BBS9: variants seen among roughly 807,000 people sequenced by gnomAD.
The protein encoded by BBS9 is Bardet-Biedl syndrome 9.
In BBS9, 89 loss-of-function variants were observed where a neutral mutation model predicts 117.7. The observed-to-expected ratio is 0.76, with a 90% CI of 0.64 to 0.90. The LOEUF (loss-of-function observed/expected upper bound fraction) is 0.90, where lower values mean the gene tolerates loss of function less well. BBS9 is among the 40% of genes least tolerant of loss of function. BBS9 has a pLI of 0.00. For synonymous variants in BBS9, 379 were observed against 370.9 expected, an observed-to-expected ratio of 1.02 and a Z score of -0.25; for missense variants, 982 against 1,042.2, an observed-to-expected ratio of 0.94 and a Z score of 0.80.
At chr7:33,597,595 G>A (rs1863062314) in intron 21 of BBS9, among the ~76,000 whole-genome samples, 1 of 152,094 alleles carries the variant, frequency 6.6e-6, no homozygotes, top group East Asian at 1.9e-4. Context: ...CAGCTTGCCA[G>A]CCCTCTGGAT....
At chr7:33,587,389 T>C (rs1985079) in intron 21 of BBS9, among the ~76,000 whole-genome samples, 61,268 of 152,008 alleles carry the variant, frequency 0.4, 17,025 homozygotes, top group African/African-American at 0.79. Context: ...GAGCTCTCTC[T>C]TCTGCCTGAT....
chr7:33,380,277 C>A, intron 17 of BBS9: 1 of 171,506 alleles, frequency 5.8e-6, no homozygotes. Context: ...CCACCTGCAC[C>A]TGCTGAGCCC....
chr7:33,191,634 G>A (rs1013046759), intron 5 of BBS9, among the ~76,000 whole-genome samples: 1 of 152,160 alleles, frequency 6.6e-6, no homozygotes, highest in Non-Finnish European at 1.5e-5. Flanking sequence ...GCTGAATGCA[G>A]CCTCATTCTG....
chr7:33,133,895 G>T (rs1048903774), intron 1 of BBS9, among the ~76,000 whole-genome samples: 1 of 152,162 alleles, frequency 6.6e-6, no homozygotes, highest in African/African-American at 2.4e-5. Context: ...TTCCAAAGTG[G>T]TTGCATCGTT....
chr7:33,509,830 G>A (rs1337816264), intron 20 of BBS9, among the ~76,000 whole-genome samples: 1 of 152,174 alleles, frequency 6.6e-6, no homozygotes. Context: ...CTGATGAAAA[G>A]TAATGTTCTC....
At chr7:33,441,280 CA>C (rs10706136) in intron 19 of BBS9, among the ~76,000 whole-genome samples, 70,663 of 141,408 alleles carry the variant, frequency 0.5, 17,297 homozygotes, top group African/African-American at 0.63. Flanking sequence ...TGTAGATGGC[CA>C]AAAAAAAAAA....
intron 5 of BBS9, among the ~76,000 whole-genome samples, chr7:33,218,672 G>A (rs540563059): frequency 2.0e-5 from 3 of 152,358 alleles, no homozygotes; most frequent in African/African-American, 7.2e-5. Context: ...TAGTGTGCTA[G>A]CCCAAAGGAA....
intron 19 of BBS9, among the ~76,000 whole-genome samples, chr7:33,469,918 C>G: frequency 6.6e-6 from 1 of 152,222 alleles, no homozygotes; most frequent in Middle Eastern, 3.4e-3. Flanking sequence ...AAAATAATAT[C>G]TTCTTTTTCT....
intron 21 of BBS9, among the ~76,000 whole-genome samples, chr7:33,592,105 C>A (rs1354636873): frequency 6.6e-6 from 1 of 152,034 alleles, no homozygotes; most frequent in African/African-American, 2.4e-5. Context: ...ACTTTTTTAC[C>A]TGAGCGTTTT....
chr7:33,336,355 A>C (rs896803977), intron 9 of BBS9, 86 bp from the exon 10 acceptor site: 3 of 954,152 alleles, frequency 3.1e-6, no homozygotes, highest in Admixed American at 1.9e-5. Flanking sequence ...TGGTGTGTTG[A>C]TGCTGAATTG....
At chr7:33,513,670 GAT>G (rs1847300482) in intron 20 of BBS9, among the ~76,000 whole-genome samples, 1 of 152,062 alleles carries the variant, frequency 6.6e-6, no homozygotes, top group South Asian at 2.1e-4. Context: ...GATGCTAAAA[GAT>G]ATAGATAGAT....
chr7:33,189,183 G>C (rs532426863), intron 5 of BBS9, among the ~76,000 whole-genome samples: 2 of 151,800 alleles, frequency 1.3e-5, no homozygotes, highest in East Asian at 1.9e-4. Flanking sequence ...ACCATGCCAG[G>C]CTATTTGTTT....
intron 16 of BBS9, among the ~76,000 whole-genome samples, chr7:33,358,825 A>C (rs1463615521): frequency 6.6e-6 from 1 of 151,966 alleles, no homozygotes. Flanking sequence ...TTAGGATACA[A>C]ACAATACTTC....
chr7:33,281,140 A>G lies in BBS9; in HGVS notation c.1016+7184A>G, dbSNP rs554417496. On this transcript the variant is annotated intron_variant, in intron 9 of 22. Transcript: ENST00000242067. ...AAGAGTAGAATATTAGTTTTTCATT[A>G]CTATATTTTTCTGTCAGTTTTCTGT... 8.6e-5 allele frequency among the ~76,000 whole-genome samples: 13 copies of G among 151,368 alleles called. No individual in the cohort carries two copies. In the South Asian group the frequency reaches 1.9e-3, roughly 22 times the overall value.
At chr7:33,163,169 G>A (rs1795129924) in intron 4 of BBS9, among the ~76,000 whole-genome samples, 1 of 152,300 alleles carries the variant, frequency 6.6e-6, no homozygotes, top group African/African-American at 2.4e-5. Flanking sequence ...TTGCATCCCA[G>A]GGATGAAGCT....
intron 12 of BBS9, among the ~76,000 whole-genome samples, chr7:33,348,004 T>G (rs1226927919): frequency 6.6e-6 from 1 of 152,084 alleles, no homozygotes; most frequent in East Asian, 1.9e-4. Context: ...TAGATATAAT[T>G]TAGATACTAT....
chr7:33,189,657 G>A (rs1454180567), intron 5 of BBS9, among the ~76,000 whole-genome samples: 1 of 151,834 alleles, frequency 6.6e-6, no homozygotes. Context: ...GGAGGCTGAG[G>A]GGGGCGGATC....
intron 19 of BBS9, among the ~76,000 whole-genome samples, chr7:33,417,381 G>A (rs540392455): frequency 6.6e-6 from 1 of 152,240 alleles, no homozygotes; most frequent in Non-Finnish European, 1.5e-5. Context: ...ATTTAAGTTG[G>A]ATACTTCCTC....
intron 21 of BBS9, among the ~76,000 whole-genome samples, chr7:33,579,933 G>GTC (rs1224336269): frequency 6.6e-6 from 1 of 152,024 alleles, no homozygotes; most frequent in Non-Finnish European, 1.5e-5. Flanking sequence ...TCTTTTCTGT[G>GTC]TCATTACTCA....
Sources: allele counts gnomAD v4.1 joint callset (sites outside exome capture counted in the v4.1 genomes callset), GRCh38; gene constraint gnomAD v4.1.1; transcripts MANE v1.5; gene names NCBI Gene and HGNC (gene_info 2026-07-23, HGNC 2026-07-21).